The following KCNMA1 variants were observed in gnomAD, a reference collection of about 807,000 sequenced individuals.
KCNMA1 encodes the protein potassium calcium-activated channel subfamily M alpha 1, also known as Calcium-activated potassium channel subunit alpha-1.
A neutral mutation model predicts 140.0 loss-of-function variants in KCNMA1; 29 were observed. The ratio of observed to expected loss-of-function variants is 0.21; its 90% CI spans 0.15 to 0.28. The LOEUF (loss-of-function observed/expected upper bound fraction) is 0.28. KCNMA1 is among the 10% of genes least tolerant of loss of function. The pLI is 1.00. For synonymous variants in KCNMA1, 612 were observed against 611.9 expected, an observed-to-expected ratio of 1.00 and a Z score of 0.00; for missense variants, 880 against 1,602.2, an observed-to-expected ratio of 0.55 and a Z score of 7.70.
At chr10:76,871,618 C>T (rs1482524248) in exon 28 of KCNMA1, 3 of 152,208 alleles carry the variant, frequency 2.0e-5, no homozygotes, top group South Asian at 2.1e-4. Flanking sequence ...GTCTTACCAT[C>T]GTGAGGACAC....
intron 17 of KCNMA1, among the ~76,000 whole-genome samples, chr10:77,017,635 C>T (rs1441776529): frequency 2.6e-5 from 4 of 152,180 alleles, no homozygotes; most frequent in Admixed American, 2.6e-4. Flanking sequence ...GCCAGTATGG[C>T]TTAGTTTGCT....
At chr10:76,989,157 G>A (rs1046007842) in intron 19 of KCNMA1, among the ~76,000 whole-genome samples, 7 of 152,076 alleles carry the variant, frequency 4.6e-5, no homozygotes, top group Non-Finnish European at 7.4e-5. Context: ...CCAGGACCCC[G>A]GGTTAGGGAG....
At chr10:76,965,856 T>C (rs763823384) in intron 20 of KCNMA1, among the ~76,000 whole-genome samples, 32 of 152,254 alleles carry the variant, frequency 2.1e-4, no homozygotes, top group Middle Eastern at 3.4e-3. Context: ...AGTTGAGCAT[T>C]CTCCTCATGG....
At chr10:77,079,454 A>T in intron 13 of KCNMA1, 27 bp downstream of exon 13, 1 of 1,513,372 alleles carries the variant, frequency 6.6e-7, no homozygotes, top group Non-Finnish European at 9.2e-7. Context: ...GGGTCTTCAG[A>T]CCTGGAGCGG....
At chr10:77,251,096 G>A (rs149661797) in intron 3 of KCNMA1, 99 bp downstream of exon 3, 5 of 930,500 alleles carry the variant, frequency 5.4e-6, no homozygotes, top group African/African-American at 4.9e-5. Context: ...GCACTCAGAA[G>A]GTCTTGCAAA....
intron 12 of KCNMA1, 123 bp downstream of exon 12, chr10:77,084,514 T>A (rs1423683617): frequency 2.3e-5 from 18 of 787,258 alleles, no homozygotes; most frequent in Non-Finnish European, 3.5e-5. Flanking sequence ...AGCTGGTGAG[T>A]TGTACAGTGG....
intron 5 of KCNMA1, among the ~76,000 whole-genome samples, chr10:77,136,515 A>G (rs1010624715): frequency 6.6e-6 from 1 of 152,124 alleles, no homozygotes; most frequent in East Asian, 1.9e-4. Context: ...ACTGTACACT[A>G]AAAATAATTA....
chr10:76,966,541 T>C (rs1376279885), intron 20 of KCNMA1, among the ~76,000 whole-genome samples: 2 of 152,194 alleles, frequency 1.3e-5, no homozygotes, highest in African/African-American at 4.8e-5. Context: ...TTAAGAACTC[T>C]TGACTTAGCT....
intron 19 of KCNMA1, among the ~76,000 whole-genome samples, chr10:76,996,813 C>T (rs1362644369): frequency 1.3e-5 from 2 of 151,986 alleles, no homozygotes; most frequent in African/African-American, 4.8e-5. Context: ...GATTTTAGGG[C>T]CCAGAAGTAA....
rs2098220221 is a variant in KCNMA1, at chr10:77,143,234, AAT to A, written c.809-22188_809-22187del. Among the ~76,000 whole-genome samples the A allele has an allele frequency of 2.6e-5, 4 of 152,332 alleles. No homozygotes were observed. In the South Asian group the frequency reaches 8.3e-4, roughly 32 times the overall value. Reference sequence around the variant, plus strand: ...AAGAATAATACTTTAGAATCGAGTAAATAGAGTTTATCCCATGAGTAAAAGAT... The same window carrying A: ...AAGAATAATACTTTAGAATCGAGTAAAGAGTTTATCCCATGAGTAAAAGAT... On this transcript the variant is annotated intron_variant, in intron 5 of 27. Coordinates refer to ENST00000286628, the MANE Select transcript of KCNMA1 (RefSeq NM_001161352.2).
At chr10:77,494,156 C>A (rs1231473536) in intron 1 of KCNMA1, among the ~76,000 whole-genome samples, 1 of 152,210 alleles carries the variant, frequency 6.6e-6, no homozygotes, top group Admixed American at 6.5e-5. Flanking sequence ...ATGGGATAAC[C>A]ATGGGAGAGG....
intron 1 of KCNMA1, chr10:77,635,317 G>A (rs1291042851): frequency 1.3e-5 from 2 of 152,084 alleles, no homozygotes; most frequent in African/African-American, 2.4e-5. Flanking sequence ...TAGGACCCCA[G>A]GTTCACAAAA....
At chr10:77,486,862 C>A (rs2098467046) in intron 1 of KCNMA1, among the ~76,000 whole-genome samples, 1 of 152,220 alleles carries the variant, frequency 6.6e-6, no homozygotes, top group Non-Finnish European at 1.5e-5. Context: ...TCCCTTCCTC[C>A]CTAGTCCCCC....
At chr10:77,154,068 C>T (rs7093735) in intron 5 of KCNMA1, among the ~76,000 whole-genome samples, 43,172 of 151,904 alleles carry the variant, frequency 0.28, 6,580 homozygotes, top group Middle Eastern at 0.39. Flanking sequence ...ATCACGGGGG[C>T]GGTTTCCCTC....
At chr10:77,318,259 T>C (rs551486602) in intron 2 of KCNMA1, among the ~76,000 whole-genome samples, 3 of 152,182 alleles carry the variant, frequency 2.0e-5, no homozygotes, top group Non-Finnish European at 4.4e-5. Context: ...CACTTTTCAT[T>C]TGCACAACAA....
Position 77,001,463 on chromosome 10 carries a change from C to T in KCNMA1, c.2210G>A (p.Arg737Lys). The change falls in exon 19 of 28, where the codon AGA becomes AAA. Residue 737 changes from arginine to lysine, a missense_variant. Physicochemically the swap from Arg to Lys is conservative, Grantham distance 26. This residue lies in a region of KCNMA1 where 196 missense variants were observed against 233.0 expected (regional missense o/e 0.84). Coordinates refer to ENST00000286628, the MANE Select transcript of KCNMA1 (RefSeq NM_001161352.2). ...RVRGNVDTLE[R>K]AFPLSSVSVN... is the part of the protein sequence containing the mutation. ...AGAGACAGAAGAAAGTGGGAAGGCT[C>T]TCTCAAGGGTGTCCACGTTACCACG... 6.4e-7 allele frequency: 1 copy of T among 1,551,852 alleles called. No homozygotes were observed. Among genetic ancestry groups the T allele is most frequent in the Non-Finnish European group, 8.7e-7 (1 of 1,147,002 alleles).
intron 14 of KCNMA1, among the ~76,000 whole-genome samples, chr10:77,056,976 A>C (rs1376515286): frequency 6.6e-6 from 1 of 152,212 alleles, no homozygotes; most frequent in African/African-American, 2.4e-5. Flanking sequence ...CCTAGAAGGA[A>C]AGCAGAAATA....
At chr10:77,194,411 C>A (rs1281439269) in intron 3 of KCNMA1, among the ~76,000 whole-genome samples, 1 of 152,124 alleles carries the variant, frequency 6.6e-6, no homozygotes, top group African/African-American at 2.4e-5. Context: ...CTCACCAGTC[C>A]CCTATTTAAC....
At chr10:77,259,966 C>G (rs2061605243) in intron 2 of KCNMA1, among the ~76,000 whole-genome samples, 1 of 152,082 alleles carries the variant, frequency 6.6e-6, no homozygotes, top group East Asian at 1.9e-4. Flanking sequence ...GGAGAAAAGG[C>G]TGGAGAATTA....
Sources: gnomAD v4.1 joint callset for allele counts (sites outside exome capture counted in the v4.1 genomes callset) on GRCh38, gnomAD v4.1.1 for gene constraint, gnomAD v4.1.1 regional missense constraint, MANE v1.5 for transcripts, NCBI Gene and HGNC (gene_info 2026-07-23, HGNC 2026-07-21) for gene names.